The following ALDH7A1 variants were observed in gnomAD, a reference collection of about 807,000 sequenced individuals.
ALDH7A1 encodes alpha-aminoadipic semialdehyde dehydrogenase.
ALDH7A1 carries 63 observed loss-of-function variants against 79.9 expected under a neutral mutation model. The ratio of observed to expected loss-of-function variants is 0.79; its 90% CI spans 0.64 to 0.97. The LOEUF is 0.97. Ranked by LOEUF, ALDH7A1 falls within the 50% of genes least tolerant of loss-of-function variation. The probability of loss-of-function intolerance (pLI) is 0.00; values close to 1 mark genes in which losing one functional copy is unlikely to be tolerated. For missense variants in ALDH7A1, 627 were observed against 665.2 expected (o/e 0.94, Z 0.63); for synonymous variants, 240 against 231.2 (o/e 1.04, Z -0.34).
intron 7 of ALDH7A1, among the ~76,000 whole-genome samples, chr5:126,571,822 G>C (rs901127080): frequency 6.6e-6 from 1 of 152,068 alleles, no homozygotes; most frequent in Admixed American, 6.6e-5. Flanking sequence ...GAAGGGGAAG[G>C]GATCCCCAAA....
intron 3 of ALDH7A1, chr5:126,592,260 C>T (rs1017594503): frequency 6.4e-5 from 14 of 217,450 alleles, no homozygotes; most frequent in Non-Finnish European, 9.1e-5. Flanking sequence ...GGAATGCTGA[C>T]CTATTGCTGA....
At chr5:126,553,324 A>G (rs762865396) in intron 13 of ALDH7A1, 1 of 152,196 alleles carries the variant, frequency 6.6e-6, no homozygotes, top group Non-Finnish European at 1.5e-5. Context: ...ATGAATTTGC[A>G]TATCATCATT....
At chr5:126,568,467 C>T (rs1217474358) in intron 8 of ALDH7A1, 111 bp from the exon 9 acceptor site, 3 of 933,262 alleles carry the variant, frequency 3.2e-6, no homozygotes, top group African/African-American at 1.6e-5. Context: ...CTTGAAGCTA[C>T]AAGAAAGTCT....
At chr5:126,584,051 A>C in intron 3 of ALDH7A1, 39 bp from the exon 4 acceptor site, 1 of 1,519,460 alleles carries the variant, frequency 6.6e-7, no homozygotes, top group South Asian at 1.1e-5. Context: ...GATTCAAAGC[A>C]TAAATTCATG....
chr5:126,594,388 G>A, intron 1 of ALDH7A1: 1 of 383,164 alleles, frequency 2.6e-6, no homozygotes, highest in Non-Finnish European at 5.4e-6. Flanking sequence ...GCACCGCTCA[G>A]TGTGCCACAT....
At chr5:126,566,017 G>C (rs756112665) in intron 9 of ALDH7A1, among the ~76,000 whole-genome samples, 15 of 152,188 alleles carry the variant, frequency 9.9e-5, no homozygotes, top group Admixed American at 2.6e-4. Flanking sequence ...TGAGAAGTGA[G>C]AGTCCTTCAA....
intron 16 of ALDH7A1, among the ~76,000 whole-genome samples, chr5:126,548,423 C>CTTCT (rs1749872482): frequency 7.1e-6 from 1 of 141,058 alleles, no homozygotes; most frequent in African/African-American, 2.6e-5. Flanking sequence ...CAGCCCAAAA[C>CTTCT]TTTTTTTTTT....
At chr5:126,589,536 T>G (rs924501635) in intron 3 of ALDH7A1, among the ~76,000 whole-genome samples, 3 of 151,974 alleles carry the variant, frequency 2.0e-5, no homozygotes, top group Admixed American at 2.0e-4. Flanking sequence ...ATCCAAACAC[T>G]TTGGGAGGCC....
At position 126,554,300 on chromosome 5, in the gene ALDH7A1, A is replaced by G. The variant is rs1750102829; in HGVS notation, c.1187T>C (p.Val396Ala). Reference protein sequence around the residue: ...EEAKKEGGTVVYGGKVMDRPG... With the variant: ...EEAKKEGGTVAYGGKVMDRPG... The stretch of plus-strand genomic sequence containing the variant: ...AGCATCCCTTACCTTGCCCCCATAG[A>G]CCACTGTGCCACCTTCTTTCTTTGC... Residue 396 changes from valine (V) to alanine (A), a missense_variant, in exon 13 of 18, where the codon GTC becomes GCC. Coordinates refer to ENST00000409134, the MANE Select transcript of ALDH7A1 (RefSeq NM_001182.5). 6.2e-7 allele frequency: 1 copy of G among 1,613,976 alleles called. No individual in the cohort carries two copies.
chr5:126,566,917 GTA>G lies in ALDH7A1; in HGVS notation c.871+1340_871+1341del. On this transcript the variant is annotated intron_variant, in intron 9 of 17. Coordinates refer to ENST00000409134, the MANE Select transcript of ALDH7A1 (RefSeq NM_001182.5). ...TAGTACAATTTGATAAGTGTAAAAA[GTA>G]AAGTAGAGCTTCCTCTTCAAAGACT... 2.0e-5 allele frequency among the ~76,000 whole-genome samples: 3 copies of G among 152,310 alleles called. No individual in the cohort carries two copies. The South Asian group carries it at 6.2e-4, about 32-fold the overall frequency.
At chr5:126,589,799 C>A (rs2033320953) in intron 3 of ALDH7A1, among the ~76,000 whole-genome samples, 1 of 151,352 alleles carries the variant, frequency 6.6e-6, no homozygotes. Context: ...CTCTGCTCGG[C>A]TGCCCACCAT....
intron 9 of ALDH7A1, chr5:126,564,628 G>T: frequency 8.5e-7 from 1 of 1,179,644 alleles, no homozygotes. Context: ...TATTAATTAT[G>T]AAGACATGGC....
At chr5:126,575,329 G>T in intron 7 of ALDH7A1, 91 bp downstream of exon 7, 1 of 1,221,010 alleles carries the variant, frequency 8.2e-7, no homozygotes, top group Non-Finnish European at 1.2e-6. Context: ...CATGCTATGT[G>T]ACTCTGACAT....
chr5:126,550,968 C>A (rs770361214), intron 14 of ALDH7A1, among the ~76,000 whole-genome samples: 15 of 152,168 alleles, frequency 9.9e-5, no homozygotes, highest in Admixed American at 3.3e-4. Flanking sequence ...GGAATGAGAT[C>A]TTCTAATTTA....
intron 3 of ALDH7A1, among the ~76,000 whole-genome samples, chr5:126,585,507 T>G (rs954762030): frequency 6.6e-6 from 1 of 152,184 alleles, no homozygotes; most frequent in Non-Finnish European, 1.5e-5. Context: ...GTACAGCTTC[T>G]CTGGATGGTC....
At chr5:126,579,355 T>C (rs905929565) in intron 5 of ALDH7A1, among the ~76,000 whole-genome samples, 108 of 152,334 alleles carry the variant, frequency 7.1e-4, no homozygotes, top group African/African-American at 2.5e-3. Context: ...GAGGCCTTCC[T>C]GGACTGCACT....
At chr5:126,568,095 T>C (rs1750651845) in intron 9 of ALDH7A1, 164 bp downstream of exon 9, 1 of 674,324 alleles carries the variant, frequency 1.5e-6, no homozygotes, top group Non-Finnish European at 2.6e-6. Context: ...ACTTCCCTAA[T>C]ATTCTACTGC....
chr5:126,587,644 A>C (rs1169166928), intron 3 of ALDH7A1: 1 of 152,718 alleles, frequency 6.5e-6, no homozygotes, highest in Non-Finnish European at 1.5e-5. Context: ...AAAAAAAAAG[A>C]AAAAGAAAAA....
At chr5:126,555,594 T>C (rs952159260) in intron 12 of ALDH7A1, among the ~76,000 whole-genome samples, 1 of 151,990 alleles carries the variant, frequency 6.6e-6, no homozygotes, top group African/African-American at 2.4e-5. Context: ...TAAAAATCAT[T>C]CTGTAGCAAT....
Sources: gnomAD v4.1 joint callset for allele counts (sites outside exome capture counted in the v4.1 genomes callset) on GRCh38, gnomAD v4.1.1 for gene constraint, MANE v1.5 for transcripts, NCBI Gene and HGNC (gene_info 2026-07-23, HGNC 2026-07-21) for gene names.